Variants in GRM5 observed in about 807,000 individuals in gnomAD.
The protein encoded by GRM5 is metabotropic glutamate receptor 5.
Under a neutral mutation model 83.1 loss-of-function variants are expected in GRM5, and 19 were observed. The ratio of observed to expected loss-of-function variants is 0.23; its 90% CI spans 0.16 to 0.34. The LOEUF (loss-of-function observed/expected upper bound fraction) is 0.34, where lower values mean the gene tolerates loss of function less well. Ranked by LOEUF, GRM5 falls within the 10% of genes least tolerant of loss-of-function variation. The pLI is 1.00. For synonymous variants in GRM5, 675 were observed against 633.6 expected, an observed-to-expected ratio of 1.07 and a Z score of -0.98; for missense variants, 1,160 against 1,588.3, an observed-to-expected ratio of 0.73 and a Z score of 4.58.
At chr11:88,711,138 T>C (rs1202752176) in intron 3 of GRM5, among the ~76,000 whole-genome samples, 2 of 152,026 alleles carry the variant, frequency 1.3e-5, no homozygotes, top group East Asian at 3.9e-4. Context: ...GAGGGAGCAA[T>C]GGCCTTGAAG....
intron 1 of GRM5, among the ~76,000 whole-genome samples, chr11:89,053,016 C>G (rs1211129630): frequency 6.6e-6 from 1 of 152,094 alleles, no homozygotes; most frequent in African/African-American, 2.4e-5. Context: ...TTTCTTGCTG[C>G]CTCACAGCCC....
chr11:88,878,486 G>A (rs1295082091), intron 2 of GRM5, among the ~76,000 whole-genome samples: 2 of 152,142 alleles, frequency 1.3e-5, no homozygotes, highest in African/African-American at 4.8e-5. Flanking sequence ...TCCCCACAGT[G>A]GAGCTGGCCA....
At chr11:88,983,899 T>G (rs1435477739) in intron 2 of GRM5, among the ~76,000 whole-genome samples, 2 of 152,042 alleles carry the variant, frequency 1.3e-5, no homozygotes, top group East Asian at 3.9e-4. Flanking sequence ...CCGAAGCTAA[T>G]GTGTGTGTTT....
rs562628897 is a variant in GRM5, at chr11:89,035,526, A to C, written c.661+11686T>G. Among the ~76,000 whole-genome samples the C allele has an allele frequency of 3.9e-5, 6 of 152,026 alleles. No homozygotes were observed. The South Asian group carries it at 1.2e-3, about 31-fold the overall frequency. The stretch of plus-strand genomic sequence containing the variant: ...GACAGTTTCTGAAGAAATCATTAAA[A>C]ATACAAATAATTATATTTTTATTGT... On this transcript the variant is annotated intron_variant, in intron 2 of 9. Transcript: ENST00000305447.
Position 88,653,318 on chromosome 11 carries a change from C to T in GRM5, c.997G>A (p.Asp333Asn), listed in dbSNP as rs772392078. The change falls in exon 4 of 10, where the codon GAT becomes AAT. Residue 333 changes from aspartate to asparagine, a missense_variant. Physicochemically the swap from Asp to Asn is conservative, Grantham distance 23. Transcript: ENST00000305447. ...TAATAATCATCAAACCACTTGACAT[C>T]GGGAGATTGGAGCTTGATTGTGATG... ...GGITIKLQSPDVKWFDDYYLK... is the reference protein window; with the variant it reads ...GGITIKLQSPNVKWFDDYYLK... The T allele has an allele frequency of 8.7e-6, 14 of 1,612,696 alleles. No individual in the cohort carries two copies. Among genetic ancestry groups the T allele is most frequent in the South Asian group, 4.4e-5 (4 of 91,060 alleles).
intron 8 of GRM5, among the ~76,000 whole-genome samples, chr11:88,548,441 TA>T (rs1163625094): frequency 6.6e-6 from 1 of 152,068 alleles, no homozygotes; most frequent in Admixed American, 6.6e-5. Flanking sequence ...ACATGCAAAT[TA>T]AAAAAATCCA....
intron 3 of GRM5, among the ~76,000 whole-genome samples, chr11:88,684,964 T>G (rs1429274839): frequency 6.6e-6 from 1 of 152,148 alleles, no homozygotes; most frequent in African/African-American, 2.4e-5. Context: ...ACAGACTAAT[T>G]ATAATAAATT....
At chr11:88,804,249 T>C (rs12363213) in intron 3 of GRM5, among the ~76,000 whole-genome samples, 60,055 of 135,682 alleles carry the variant, frequency 0.44, 15,366 homozygotes, top group East Asian at 0.73. Context: ...ATGTTTATTG[T>C]GGCATTATTC....
intron 3 of GRM5, among the ~76,000 whole-genome samples, chr11:88,797,173 A>G (rs1484810087): frequency 6.6e-6 from 1 of 152,054 alleles, no homozygotes; most frequent in Non-Finnish European, 1.5e-5. Flanking sequence ...TTTTAGAGAC[A>G]GAGTCTTGCT....
chr11:88,518,004 C>G (rs562806227), intron 9 of GRM5, among the ~76,000 whole-genome samples: 1 of 151,822 alleles, frequency 6.6e-6, no homozygotes, highest in Non-Finnish European at 1.5e-5. Flanking sequence ...ACCAGCTCCT[C>G]CTTTTTTTCA....
chr11:88,792,366 T>A (rs1943190628), intron 3 of GRM5, among the ~76,000 whole-genome samples: 1 of 152,112 alleles, frequency 6.6e-6, no homozygotes, highest in Non-Finnish European at 1.5e-5. Context: ...TAGGCCAGAA[T>A]TAGCATCTTT....
intron 2 of GRM5, among the ~76,000 whole-genome samples, chr11:89,000,021 A>G (rs1940318168): frequency 6.6e-6 from 1 of 152,114 alleles, no homozygotes; most frequent in Non-Finnish European, 1.5e-5. Flanking sequence ...TCTCATTCAC[A>G]GGTGGGAATT....
intron 4 of GRM5, among the ~76,000 whole-genome samples, chr11:88,614,557 G>T (rs1327117960): frequency 2.0e-5 from 3 of 152,034 alleles, no homozygotes; most frequent in Non-Finnish European, 2.9e-5. Flanking sequence ...GACAGCAACT[G>T]GTGCAAAGGC....
intron 2 of GRM5, among the ~76,000 whole-genome samples, chr11:88,857,022 A>G (rs932020989): frequency 6.6e-6 from 1 of 152,054 alleles, no homozygotes; most frequent in Non-Finnish European, 1.5e-5. Flanking sequence ...ATAGTTTTTC[A>G]TGATTTTGAA....
At chr11:88,942,360 T>TCAA (rs1938144211) in intron 2 of GRM5, among the ~76,000 whole-genome samples, 1 of 152,044 alleles carries the variant, frequency 6.6e-6, no homozygotes, top group African/African-American at 2.4e-5. Context: ...ATTGTACCAT[T>TCAA]CTTTCAACTT....
intron 2 of GRM5, among the ~76,000 whole-genome samples, chr11:88,892,283 C>T (rs754183553): frequency 2.0e-5 from 3 of 151,430 alleles, no homozygotes; most frequent in Middle Eastern, 3.4e-3. Flanking sequence ...ATAAAAGCAC[C>T]TTGGGGAAGA....
At chr11:88,966,212 A>C (rs1178075706) in intron 2 of GRM5, among the ~76,000 whole-genome samples, 1 of 152,102 alleles carries the variant, frequency 6.6e-6, no homozygotes, top group African/African-American at 2.4e-5. Context: ...AAGACATCAA[A>C]ATTTGTAAGA....
chr11:88,800,292 A>G (rs11021359), intron 3 of GRM5, among the ~76,000 whole-genome samples: 3,448 of 152,218 alleles, frequency 0.023, 45 homozygotes, highest in Middle Eastern at 0.058. Context: ...AGGACTCTCC[A>G]GCCAAAACAG....
chr11:88,994,481 ATATAT>A (rs1940108717), intron 2 of GRM5, among the ~76,000 whole-genome samples: 1 of 131,358 alleles, frequency 7.6e-6, no homozygotes, highest in Admixed American at 7.6e-5. Flanking sequence ...ATATATATAT[ATATAT>A]TACAATTGCT....
Sources: gnomAD v4.1 joint callset for allele counts (sites outside exome capture counted in the v4.1 genomes callset) on GRCh38, gnomAD v4.1.1 for gene constraint, MANE v1.5 for transcripts, NCBI Gene and HGNC (gene_info 2026-07-23, HGNC 2026-07-21) for gene names.